Variants in PROSER1 observed in about 807,000 individuals in gnomAD.
The protein encoded by PROSER1 is proline and serine rich 1.
In PROSER1, 36 loss-of-function variants were observed where a neutral mutation model predicts 71.8. That is an observed-to-expected ratio of 0.50 (90% CI 0.38 to 0.66). The LOEUF (loss-of-function observed/expected upper bound fraction) is 0.66, where lower values mean the gene tolerates loss of function less well. Ranked by LOEUF, PROSER1 falls within the 30% of genes least tolerant of loss-of-function variation. The pLI is 0.00. For missense variants in PROSER1, 1,107 were observed against 1,135.0 expected (o/e 0.98, Z 0.35); for synonymous variants, 490 against 452.4 (o/e 1.08, Z -1.06).
chr13:39,036,046 T>A (rs1018264531), intron 1 of PROSER1, among the ~76,000 whole-genome samples: 3 of 152,228 alleles, frequency 2.0e-5, no homozygotes, highest in East Asian at 3.9e-4. Context: ...TGAGACCCTG[T>A]ATCTTCCAAA....
chr13:39,037,100 G>A lies in PROSER1; in HGVS notation c.45+98C>T, dbSNP rs928069756. ...AATTCAAACCAATTTGGCAATCCTA[G>A]GACCCTTATTCTGCACAATCTCCAT... On this transcript the variant is annotated intron_variant, in intron 1 of 12. Transcript: ENST00000352251. 3.3e-5 allele frequency: 30 copies of A among 905,758 alleles called. No individual in the cohort carries two copies. In the African/African-American group the frequency reaches 3.4e-4, roughly 10 times the overall value. 56.1% of individuals were successfully genotyped at this position (905,758 alleles called of 1,614,324 possible).
chr13:39,014,628 G>T, intron 10 of PROSER1, 152 bp from the exon 11 acceptor site: 1 of 653,918 alleles, frequency 1.5e-6, no homozygotes, highest in Admixed American at 3.1e-5. Context: ...AAATTGCTGG[G>T]TTCCATTTCT....
chr13:39,018,417 A>C (rs1343492281), intron 9 of PROSER1, among the ~76,000 whole-genome samples: 1 of 151,950 alleles, frequency 6.6e-6, no homozygotes, highest in African/African-American at 2.4e-5. Context: ...GAGGTGACAA[A>C]AAATAACCAC....
At chr13:39,022,810 CATAA>C (rs1377895741) in intron 8 of PROSER1, 4 of 427,676 alleles carry the variant, frequency 9.4e-6, no homozygotes, top group African/African-American at 6.0e-5. Context: ...AGTGAAAACC[CATAA>C]ATAATGAATG....
chr13:39,019,715 A>G (rs551387773), intron 9 of PROSER1, among the ~76,000 whole-genome samples: 1 of 152,108 alleles, frequency 6.6e-6, no homozygotes, highest in Non-Finnish European at 1.5e-5. Flanking sequence ...GACCAATACA[A>G]TTTAGCAAAA....
In PROSER1 at chr13:39,013,923, T is replaced by C. The variant is rs377427960; in HGVS notation, c.1329A>G (p.Leu443=). Residue 443 remains leucine, a synonymous_variant, in exon 11 of 13, where the codon CTA becomes CTG. Coordinates refer to ENST00000352251, the MANE Select transcript of PROSER1 (RefSeq NM_025138.5). The stretch of plus-strand genomic sequence containing the variant: ...CAGCAATTACAGGAGTCGGGTTGGA[T>C]AGGCCTTGGGATGTTGGTGGTAAGG... ...PLPLPPTSQG[L]SNPTPVIAGG... The C allele has an allele frequency of 1.2e-6, 2 of 1,613,970 alleles. No individual in the cohort carries two copies. The highest frequency in any genetic ancestry group is 1.3e-5 in the African/African-American group (1 of 74,876).
At chr13:39,014,898 A>G (rs1278192484) in intron 10 of PROSER1, among the ~76,000 whole-genome samples, 2 of 152,314 alleles carry the variant, frequency 1.3e-5, no homozygotes, top group African/African-American at 4.8e-5. Flanking sequence ...TTGCAGGGCC[A>G]TACAAGGCTT....
chr13:39,021,543 C>T (rs1593532877), intron 9 of PROSER1, among the ~76,000 whole-genome samples: 1 of 152,002 alleles, frequency 6.6e-6, no homozygotes, highest in Non-Finnish European at 1.5e-5. Flanking sequence ...CCAGGCACCC[C>T]CTATCACAAT....
Position 39,012,072 on chromosome 13 carries a change from T to C in PROSER1, c.2712+11A>G, listed in dbSNP as rs1869686410. The C allele has an allele frequency of 7.4e-6, 12 of 1,610,940 alleles. No homozygotes were observed. The highest frequency in any genetic ancestry group is 6.6e-5 in the South Asian group (6 of 90,598). On this transcript the variant is annotated intron_variant, in intron 12 of 12. Transcript: ENST00000352251. ...GTTACCATGTAATTTATGCCAGCCA[T>C]TGCTGCTTACCTGCTGTAACAATGC... is the stretch of plus-strand genomic sequence containing the variant.
chr13:39,017,069 C>T (rs747752), intron 10 of PROSER1, among the ~76,000 whole-genome samples: 35,829 of 152,122 alleles, frequency 0.24, 5,357 homozygotes, highest in African/African-American at 0.43. Context: ...CTTGTTCTTT[C>T]CTACATTAAG....
At chr13:39,028,446 TA>T in intron 4 of PROSER1, 126 bp from the exon 5 acceptor site, 1 of 484,156 alleles carries the variant, frequency 2.1e-6, no homozygotes, top group Admixed American at 3.5e-5. Flanking sequence ...AAAGTGTGAC[TA>T]TTTACTTTTA....
intron 2 of PROSER1, among the ~76,000 whole-genome samples, chr13:39,033,413 CCATTTACTAACTCAATTGGAG>C (rs1332602876): frequency 6.6e-6 from 1 of 152,182 alleles, no homozygotes; most frequent in African/African-American, 2.4e-5. Context: ...AAAAGCTGGA[CCATTTACTAACTCAATTGGAG>C]CATTTACTAA....
At chr13:39,021,593 T>C (rs79579050) in intron 9 of PROSER1, among the ~76,000 whole-genome samples, 1 of 152,064 alleles carries the variant, frequency 6.6e-6, no homozygotes, top group Non-Finnish European at 1.5e-5. Context: ...ACTAAAGGTA[T>C]TTTTTTAAAA....
Position 39,013,725 on chromosome 13 carries a change from G to A in PROSER1, c.1527C>T (p.Asp509=). ...ACTTGTTAGGGGCTGAAGCAGAAGA[G>A]TCAGAGTTCTGAAGAGTAAGAGAAG... ...SLSSLTLQNS[D]SSASAPNKCY... is the part of the protein sequence containing the mutation. Residue 509 remains aspartate (D), a synonymous_variant, in exon 11 of 13, where the codon GAC becomes GAT. Coordinates refer to ENST00000352251, the MANE Select transcript of PROSER1 (RefSeq NM_025138.5). 1 of 1,614,198 alleles carries A rather than the reference G, an allele frequency of 6.2e-7. No homozygotes were observed. Among genetic ancestry groups the A allele is most frequent in the South Asian group, 1.1e-5 (1 of 91,086 alleles).
intron 1 of PROSER1, among the ~76,000 whole-genome samples, chr13:39,036,797 CATA>C (rs965933124): frequency 6.6e-6 from 1 of 152,206 alleles, no homozygotes; most frequent in Non-Finnish European, 1.5e-5. Flanking sequence ...AAAACCCCAT[CATA>C]ATAACTACCA....
chr13:39,015,037 T>C (rs972897333), intron 10 of PROSER1, among the ~76,000 whole-genome samples: 1 of 152,138 alleles, frequency 6.6e-6, no homozygotes, highest in Non-Finnish European at 1.5e-5. Flanking sequence ...CTGACCGCTC[T>C]ACACTACATT....
Position 39,034,189 on chromosome 13 carries a change from A to G in PROSER1, c.53T>C (p.Leu18Ser). The G allele has an allele frequency of 6.3e-7, 1 of 1,586,270 alleles. No homozygotes were observed. The highest frequency in any genetic ancestry group is 2.3e-5 in the East Asian group (1 of 44,202). ...MVLDEIRKAV[L>S]TEYKLKAIEY... Reference sequence around the variant, plus strand: ...AATTGCTTTTAATTTGTATTCTGTCAAAACAGCCTAAAAAAAAAAAACACA... The same window carrying G: ...AATTGCTTTTAATTTGTATTCTGTCGAAACAGCCTAAAAAAAAAAAACACA... The change falls in exon 2 of 13, where the codon TTG (leucine) becomes TCG (serine). Residue 18 changes from leucine (L) to serine (S), a missense_variant. Transcript: ENST00000352251.
intron 5 of PROSER1, among the ~76,000 whole-genome samples, chr13:39,026,976 C>T (rs558590177): frequency 1.3e-5 from 2 of 152,228 alleles, no homozygotes; most frequent in East Asian, 1.9e-4. Context: ...AATGATGCCG[C>T]ACACACACTG....
At chr13:39,018,267 A>AT (rs1209767863) in intron 9 of PROSER1, among the ~76,000 whole-genome samples, 1 of 152,158 alleles carries the variant, frequency 6.6e-6, no homozygotes, top group African/African-American at 2.4e-5. Context: ...AGGGAGAAAA[A>AT]TTTAACCTCT....
Sources: gnomAD v4.1 joint callset for allele counts (sites outside exome capture counted in the v4.1 genomes callset) on GRCh38, gnomAD v4.1.1 for gene constraint, MANE v1.5 for transcripts, NCBI Gene and HGNC (gene_info 2026-07-23, HGNC 2026-07-21) for gene names.